The following TTC7B variants were observed in gnomAD, a reference collection of about 807,000 sequenced individuals.
The protein encoded by TTC7B is tetratricopeptide repeat protein 7B.
TTC7B carries 28 observed loss-of-function variants against 106.8 expected under a neutral mutation model. The ratio of observed to expected loss-of-function variants is 0.26; its 90% CI spans 0.19 to 0.36. The LOEUF is 0.36. Ranked by LOEUF, TTC7B falls within the 10% of genes least tolerant of loss-of-function variation. The pLI is 1.00. For missense variants in TTC7B, 862 were observed against 1,076.4 expected (o/e 0.80, Z 2.79); for synonymous variants, 405 against 430.6 (o/e 0.94, Z 0.74).
intron 3 of TTC7B, among the ~76,000 whole-genome samples, chr14:90,764,130 G>GA (rs111599128): frequency 0.27 from 41,590 of 151,850 alleles, 9,365 homozygotes; most frequent in African/African-American, 0.63. Flanking sequence ...CAGTGGTACA[G>GA]ACAGAGAGTC....
rs1218897236 is a variant in TTC7B, at chr14:90,609,035, G to A, written c.1966+1707C>T. On this transcript the variant is annotated intron_variant, in intron 17 of 19. Coordinates refer to ENST00000328459, the MANE Select transcript of TTC7B (RefSeq NM_001010854.2). ...TCACTTCCTTCTCTTCCCCATGTCC[G>A]AGCCTCACCTTGCAGTGGCTAGTCC... 1.1e-4 allele frequency among the ~76,000 whole-genome samples: 17 copies of A among 152,184 alleles called. No homozygotes were observed. In the South Asian group the frequency reaches 2.1e-3, roughly 19 times the overall value.
At chr14:90,801,858 C>T (rs538932083) in intron 1 of TTC7B, among the ~76,000 whole-genome samples, 3 of 151,996 alleles carry the variant, frequency 2.0e-5, no homozygotes, top group African/African-American at 7.3e-5. Context: ...GTCAGGAGTT[C>T]GAGACCAGCC....
At chr14:90,706,523 A>C (rs929525314) in intron 5 of TTC7B, among the ~76,000 whole-genome samples, 1 of 152,236 alleles carries the variant, frequency 6.6e-6, no homozygotes, top group Non-Finnish European at 1.5e-5. Context: ...CTTAGTACAC[A>C]TAGTAAAATG....
At chr14:90,744,668 G>A (rs185769073) in intron 4 of TTC7B, 124 bp downstream of exon 4, 53 of 1,024,800 alleles carry the variant, frequency 5.2e-5, no homozygotes, top group South Asian at 4.4e-4. Context: ...GCTTTAAGGA[G>A]TACAAGTAAA....
At chr14:90,704,080 C>G (rs1053686458) in intron 5 of TTC7B, among the ~76,000 whole-genome samples, 1 of 152,192 alleles carries the variant, frequency 6.6e-6, no homozygotes, top group Non-Finnish European at 1.5e-5. Context: ...CACCTTGTCT[C>G]TTCCTCATCT....
intron 3 of TTC7B, among the ~76,000 whole-genome samples, chr14:90,750,125 C>T (rs78310612): frequency 6.6e-6 from 1 of 152,154 alleles, no homozygotes; most frequent in Non-Finnish European, 1.5e-5. Flanking sequence ...TCCAAAGCTA[C>T]TCAAAAGCAA....
At chr14:90,675,122 A>G (rs959541224) in intron 9 of TTC7B, 3 of 152,510 alleles carry the variant, frequency 2.0e-5, no homozygotes, top group African/African-American at 4.8e-5. Flanking sequence ...CCACCCAGCC[A>G]GTCAACAGGG....
In TTC7B at chr14:90,524,897, AAAAAC is replaced by A. The variant is rs1165544725; in HGVS notation, c.*16466_*16470del. On this transcript the variant is annotated 3_prime_UTR_variant, in exon 20 of 20. Coordinates refer to ENST00000328459, the MANE Select transcript of TTC7B (RefSeq NM_001010854.2). ...TACGAGGCCTTTTTTTTTAAAAAAA[AAAAAC>A]AAACAAAAAAACAAAAAACAGCCTT... The A allele has an allele frequency of 5.3e-5, 8 of 152,068 alleles. No homozygotes were observed. Among genetic ancestry groups the A allele is most frequent in the African/African-American group, 1.9e-4 (8 of 41,442 alleles). The allele number at this position is 152,068 out of a possible 1,614,324, so 9.4% of individuals were successfully genotyped here.
chr14:90,770,838 C>G lies in TTC7B; in HGVS notation c.445+9900G>C, dbSNP rs562046470. 2.6e-5 allele frequency among the ~76,000 whole-genome samples: 4 copies of G among 152,266 alleles called. No individual in the cohort carries two copies. In the South Asian group the frequency reaches 8.3e-4, roughly 32 times the overall value. The stretch of plus-strand genomic sequence containing the variant: ...AAATTGAGTCAAAACGTGGTACATG[C>G]ACACAATAGAGTATTATTTTGCATG... On this transcript the variant is annotated intron_variant, in intron 3 of 19. Coordinates refer to ENST00000328459, the MANE Select transcript of TTC7B (RefSeq NM_001010854.2).
At chr14:90,603,218 C>T (rs981893943) in intron 17 of TTC7B, 3 of 1,257,878 alleles carry the variant, frequency 2.4e-6, no homozygotes, top group Admixed American at 4.6e-5. Flanking sequence ...TTCTGGAGGC[C>T]CTCGGAAGGA....
At chr14:90,815,045 G>A (rs2031094990) in intron 1 of TTC7B, among the ~76,000 whole-genome samples, 1 of 152,132 alleles carries the variant, frequency 6.6e-6, no homozygotes, top group Admixed American at 6.5e-5. Context: ...CTCCTTTCTG[G>A]GTAGTCTGAA....
intron 2 of TTC7B, among the ~76,000 whole-genome samples, chr14:90,784,252 A>G (rs558448033): frequency 6.6e-6 from 1 of 152,170 alleles, no homozygotes; most frequent in South Asian, 2.1e-4. Flanking sequence ...TCATCATGTC[A>G]TCGGTTAAGA....
Position 90,776,652 on chromosome 14 carries a change from C to T in TTC7B, c.445+4086G>A, listed in dbSNP as rs79756110. ...CAGGAGTACAAATCTAGGGTATTCTCGAGTGACCTGAATGTTTTCTCCCTG... is the reference window on the plus strand; with the variant it reads ...CAGGAGTACAAATCTAGGGTATTCTTGAGTGACCTGAATGTTTTCTCCCTG... On this transcript the variant is annotated intron_variant, in intron 3 of 19. Coordinates refer to ENST00000328459, the MANE Select transcript of TTC7B (RefSeq NM_001010854.2). Among the ~76,000 whole-genome samples, 343 of 152,214 alleles carry T rather than the reference C, an allele frequency of 2.3e-3. 4 individuals carry two copies. The highest frequency in any genetic ancestry group is 5.7e-3 in the African/African-American group (237 of 41,524).
chr14:90,671,751 CTG>C (rs1238288391), intron 9 of TTC7B, among the ~76,000 whole-genome samples: 8 of 152,220 alleles, frequency 5.3e-5, no homozygotes, highest in Non-Finnish European at 8.8e-5. Flanking sequence ...AACCTTTGGT[CTG>C]TGTCTCCTTT....
At position 90,588,221 on chromosome 14, in the gene TTC7B, C is replaced by CGCCAGGCCAGGCCAG. The variant is rs912964544; in HGVS notation, c.2107+5250_2107+5264dup. Among the ~76,000 whole-genome samples the CGCCAGGCCAGGCCAG allele has an allele frequency of 3.3e-5, 5 of 152,098 alleles. No individual in the cohort carries two copies. In the South Asian group the frequency reaches 1.0e-3, roughly 32 times the overall value. ...TGCCTGGGAGGAGTCTGGGCAAAGG[C>CGCCAGGCCAGGCCAG]GCCAGGCCAGGCCAGGCCAGGCCAG... On this transcript the variant is annotated intron_variant, in intron 18 of 19. Coordinates refer to ENST00000328459, the MANE Select transcript of TTC7B (RefSeq NM_001010854.2).
intron 5 of TTC7B, among the ~76,000 whole-genome samples, chr14:90,729,309 A>C (rs951871887): frequency 7.9e-5 from 12 of 152,284 alleles, no homozygotes; most frequent in African/African-American, 2.9e-4. Context: ...ATTTTTCCAG[A>C]GGCTGGGGCT....
intron 19 of TTC7B, among the ~76,000 whole-genome samples, chr14:90,565,399 C>CTTTTTTTTTTTTTT (rs35307541): frequency 9.3e-6 from 1 of 107,598 alleles, no homozygotes. Flanking sequence ...TCCTTTCTAG[C>CTTTTTTTTTTTTTT]TTTTTTTTTT....
At position 90,688,100 on chromosome 14, in the gene TTC7B, A is replaced by G. The variant is rs567533288; in HGVS notation, c.950+1440T>C. 5.6e-4 allele frequency among the ~76,000 whole-genome samples: 86 copies of G among 152,356 alleles called. 1 individual carries two copies. Among genetic ancestry groups the G allele is most frequent in the African/African-American group, 1.9e-3 (79 of 41,570 alleles). On this transcript the variant is annotated intron_variant, in intron 7 of 19. Coordinates refer to ENST00000328459, the MANE Select transcript of TTC7B (RefSeq NM_001010854.2). ...CCTCATCCTCTCAGCTGTTTTTCTA[A>G]TTTGAAAACATGGAAAAGGTCTTCA...
intron 13 of TTC7B, chr14:90,648,802 A>T (rs1566817337): frequency 1.3e-5 from 2 of 152,224 alleles, no homozygotes; most frequent in Non-Finnish European, 2.9e-5. Flanking sequence ...TCTCATAATT[A>T]TTCAGGAAAA....
Sources: gnomAD v4.1 joint callset for allele counts (sites outside exome capture counted in the v4.1 genomes callset) on GRCh38, gnomAD v4.1.1 for gene constraint, MANE v1.5 for transcripts, NCBI Gene and HGNC (gene_info 2026-07-23, HGNC 2026-07-21) for gene names.